Variants in CA10 observed in about 807,000 individuals in gnomAD.
The protein encoded by CA10 is carbonic anhydrase 10 (inactive).
Under a neutral mutation model 44.2 loss-of-function variants are expected in CA10, and 14 were observed. The ratio of observed to expected loss-of-function variants is 0.32; its 90% confidence interval spans 0.21 to 0.50. CA10 has a LOEUF of 0.50. CA10 is among the 20% of genes least tolerant of loss of function. CA10 has a pLI of 0.99. For synonymous variants in CA10, 159 were observed against 141.6 expected (o/e 1.12, Z -0.87); for missense variants, 350 against 409.7 (o/e 0.85, Z 1.26).
chr17:51,698,796 A>G (rs897808640), intron 4 of CA10, among the ~76,000 whole-genome samples: 4 of 152,188 alleles, frequency 2.6e-5, no homozygotes, highest in African/African-American at 9.7e-5. Flanking sequence ...CATATATAAG[A>G]CATCACATAG....
intron 2 of CA10, among the ~76,000 whole-genome samples, chr17:51,968,510 T>C (rs1232185225): frequency 6.6e-6 from 1 of 151,902 alleles, no homozygotes; most frequent in Non-Finnish European, 1.5e-5. Flanking sequence ...TATATTTCCA[T>C]TTATACGACT....
At chr17:51,924,391 T>C (rs1242488548) in intron 3 of CA10, among the ~76,000 whole-genome samples, 4 of 152,212 alleles carry the variant, frequency 2.6e-5, no homozygotes, top group African/African-American at 9.6e-5. Context: ...ACAAGGGCTG[T>C]GAATGCCAGG....
chr17:52,048,314 C>G (rs1986969520), intron 2 of CA10, among the ~76,000 whole-genome samples: 1 of 152,034 alleles, frequency 6.6e-6, no homozygotes, highest in Admixed American at 6.6e-5. Flanking sequence ...TCTGCAGGTA[C>G]TAATCAGATA....
chr17:51,904,466 G>C (rs746613702), intron 3 of CA10, among the ~76,000 whole-genome samples: 1 of 152,040 alleles, frequency 6.6e-6, no homozygotes, highest in Non-Finnish European at 1.5e-5. Flanking sequence ...CCACTGCAGC[G>C]CAAGAAGAGT....
At chr17:51,717,861 A>ATATATT (rs1916215329) in intron 4 of CA10, among the ~76,000 whole-genome samples, 1 of 106,768 alleles carries the variant, frequency 9.4e-6, no homozygotes, top group Non-Finnish European at 1.8e-5. Context: ...ATATATATAT[A>ATATATT]TATATATACA....
At chr17:51,915,033 CTATT>C (rs1458509035) in intron 3 of CA10, among the ~76,000 whole-genome samples, 1 of 152,088 alleles carries the variant, frequency 6.6e-6, no homozygotes, top group Non-Finnish European at 1.5e-5. Context: ...TAGAATTCAT[CTATT>C]TATTATTTCA....
chr17:52,131,629 G>T (rs183121500), intron 1 of CA10, among the ~76,000 whole-genome samples: 10 of 152,260 alleles, frequency 6.6e-5, no homozygotes, highest in African/African-American at 2.4e-4. Context: ...TTTGTAGAGA[G>T]CTTTCAGTAC....
At chr17:51,978,382 A>G (rs1004918066) in intron 2 of CA10, among the ~76,000 whole-genome samples, 21 of 142,100 alleles carry the variant, frequency 1.5e-4, no homozygotes, top group Admixed American at 3.5e-4. Context: ...GTGTGTCTGT[A>G]TGTGTGTGTG....
rs769771584 is a variant in CA10, at chr17:52,026,724, C to T, written c.136+45595G>A. On this transcript the variant is annotated intron_variant, in intron 2 of 8. Transcript: ENST00000451037. ...AAAACCCTGAGATTTCAAGAGAGCT[C>T]ACTATTATGAGAACAGCAGCATGGG... is the stretch of plus-strand genomic sequence containing the variant. 2.0e-5 allele frequency among the ~76,000 whole-genome samples: 3 copies of T among 152,032 alleles called. 1 individual carries two copies. The highest frequency in any genetic ancestry group is 4.2e-4 in the South Asian group (2 of 4,814).
intron 1 of CA10, among the ~76,000 whole-genome samples, chr17:52,119,020 A>ACTAAT (rs1988956133): frequency 6.6e-6 from 1 of 152,236 alleles, no homozygotes; most frequent in Non-Finnish European, 1.5e-5. Context: ...AATGGACTGA[A>ACTAAT]CTAATAGAAA....
intron 4 of CA10, among the ~76,000 whole-genome samples, chr17:51,737,188 G>A (rs774493169): frequency 6.6e-6 from 1 of 152,176 alleles, no homozygotes; most frequent in Non-Finnish European, 1.5e-5. Context: ...CCATGCAACT[G>A]AAAGCAGGTT....
intron 1 of CA10, among the ~76,000 whole-genome samples, chr17:52,107,906 A>G (rs1228479598): frequency 6.6e-6 from 1 of 152,128 alleles, no homozygotes; most frequent in Non-Finnish European, 1.5e-5. Flanking sequence ...TGCTGGAAGA[A>G]CTTCTTTTCT....
At chr17:52,093,201 G>A (rs915572730) in intron 1 of CA10, among the ~76,000 whole-genome samples, 1 of 152,066 alleles carries the variant, frequency 6.6e-6, no homozygotes, top group Non-Finnish European at 1.5e-5. Flanking sequence ...GGGAAACCAA[G>A]CAACATAGAG....
chr17:52,134,953 G>A, intron 1 of CA10: 1 of 518,932 alleles, frequency 1.9e-6, no homozygotes, highest in Non-Finnish European at 3.8e-6. Context: ...CCTGATGCTG[G>A]CCATTGCTCT....
At chr17:51,752,574 A>G (rs1471963215) in intron 3 of CA10, among the ~76,000 whole-genome samples, 4 of 152,100 alleles carry the variant, frequency 2.6e-5, no homozygotes, top group African/African-American at 4.8e-5. Flanking sequence ...TTCTGATTCC[A>G]AGACTAATGA....
intron 2 of CA10, among the ~76,000 whole-genome samples, chr17:52,005,076 A>T (rs188087383): frequency 6.6e-6 from 1 of 152,042 alleles, no homozygotes; most frequent in East Asian, 2.0e-4. Context: ...TCTGAAGTAT[A>T]TAACCAAGAT....
intron 4 of CA10, among the ~76,000 whole-genome samples, chr17:51,681,884 T>C (rs986083565): frequency 1.3e-5 from 2 of 152,138 alleles, no homozygotes; most frequent in Non-Finnish European, 2.9e-5. Context: ...CATGGGTACA[T>C]ATTATTAAGC....
intron 3 of CA10, among the ~76,000 whole-genome samples, chr17:51,837,423 A>C (rs887858799): frequency 6.6e-6 from 1 of 152,194 alleles, no homozygotes; most frequent in Non-Finnish European, 1.5e-5. Context: ...AGTACATAAA[A>C]TTTCATGTGA....
At chr17:52,149,531 C>T (rs983287955) in intron 1 of CA10, among the ~76,000 whole-genome samples, 2 of 152,148 alleles carry the variant, frequency 1.3e-5, no homozygotes, top group African/African-American at 4.8e-5. Flanking sequence ...CCCAAACCTT[C>T]CCACCCCAAC....
Sources: allele counts gnomAD v4.1 joint callset (sites outside exome capture counted in the v4.1 genomes callset), GRCh38; gene constraint gnomAD v4.1.1; transcripts MANE v1.5; gene names NCBI Gene and HGNC (gene_info 2026-07-23, HGNC 2026-07-21).